Variants in CECR2 observed in about 807,000 individuals in gnomAD.
CECR2 encodes CECR2 histone acetyl-lysine reader.
In CECR2, 30 loss-of-function variants were observed where a neutral mutation model predicts 154.5. That is an observed-to-expected ratio of 0.19 (90% CI 0.15 to 0.26). The LOEUF is 0.26. CECR2 is among the 10% of genes least tolerant of loss of function. CECR2 has a pLI of 1.00. For synonymous variants in CECR2, 725 were observed against 683.7 expected, an observed-to-expected ratio of 1.06 and a Z score of -0.94; for missense variants, 1,743 against 1,829.3, an observed-to-expected ratio of 0.95 and a Z score of 0.86.
intron 8 of CECR2, among the ~76,000 whole-genome samples, chr22:17,520,105 A>G (rs2056131171): frequency 6.6e-6 from 1 of 152,156 alleles, no homozygotes; most frequent in African/African-American, 2.4e-5. Flanking sequence ...TCAAGTCTTG[A>G]GTGACTTAAC....
chr22:17,447,481 T>G (rs973092107), intron 1 of CECR2, among the ~76,000 whole-genome samples: 2 of 151,916 alleles, frequency 1.3e-5, no homozygotes, highest in African/African-American at 2.4e-5. Context: ...AGACACAGAG[T>G]GCTGATTGGT....
chr22:17,431,609 A>G (rs553064412), intron 1 of CECR2, among the ~76,000 whole-genome samples: 115 of 152,344 alleles, frequency 7.5e-4, no homozygotes, highest in African/African-American at 2.5e-3. Flanking sequence ...ACCTGAATTC[A>G]ATAAATTAAA....
rs11387639 is a variant in CECR2 at position 17,505,534 on chromosome 22, CTTTTTTT to C, written c.870+535_870+541del. Among the ~76,000 whole-genome samples the C allele has an allele frequency of 6.2e-3, 617 of 98,860 alleles. 5 individuals are homozygous for C. The highest frequency in any genetic ancestry group is 0.023 in the African/African-American group (549 of 24,064). 64.9% of individuals were successfully genotyped at this position (98,860 alleles called of 152,430 possible). ...TCAAACATCCTTCATCCTCTTTTTC[CTTTTTTT>C]TTTTTTTTTTTTTTTTGAGTCTCTC... On this transcript the variant is annotated intron_variant, in intron 7 of 18. Coordinates refer to ENST00000262608, the MANE Select transcript of CECR2 (RefSeq NM_001290047.2).
chr22:17,549,783 G>GTTTTTTTTTTTTTTTTTTTTTTTTTTT lies in CECR2; in HGVS notation c.4277+219_4277+220insTTTTTTTTTTTTTTTTTTTTTTTTTTT, dbSNP rs1491166897. Among the ~76,000 whole-genome samples the GTTTTTTTTTTTTTTTTTTTTTTTTTTT allele has an allele frequency of 2.3e-5, 2 of 88,856 alleles. 1 individual carries two copies. Among genetic ancestry groups the GTTTTTTTTTTTTTTTTTTTTTTTTTTT allele is most frequent in the African/African-American group, 8.7e-5 (2 of 22,976 alleles). The allele number at this position is 88,856 out of a possible 152,430, so 58.3% of individuals were successfully genotyped here. ...TGCCACCACACCCAGCTAACTTTTT[G>GTTTTTTTTTTTTTTTTTTTTTTTTTTT]GTTTTTTTTTTTTTTTTTTTTTGGT... On this transcript the variant is annotated intron_variant, in intron 17 of 18. Transcript: ENST00000262608.
intron 1 of CECR2, among the ~76,000 whole-genome samples, chr22:17,363,048 C>CTTTTTTTTTTTTTTTTTTTTTT (rs60742428): frequency 6.9e-6 from 1 of 144,740 alleles, no homozygotes. Context: ...TTTCCTTCTT[C>CTTTTTTTTTTTTTTTTTTTTTT]TTTTTTTTTT....
intron 1 of CECR2, among the ~76,000 whole-genome samples, chr22:17,447,922 G>A (rs1053432414): frequency 9.2e-5 from 14 of 152,034 alleles, no homozygotes; most frequent in East Asian, 1.9e-4. Flanking sequence ...TATGTGGCTC[G>A]TGGCTGCTGT....
chr22:17,537,356 G>A (rs1395604375), intron 10 of CECR2, 124 bp downstream of exon 10: 2 of 1,153,692 alleles, frequency 1.7e-6, no homozygotes, highest in East Asian at 2.4e-5. Context: ...ATGTGTGAGT[G>A]AACAGGGCGG....
chr22:17,508,273 A>G (rs1478384371), intron 7 of CECR2, among the ~76,000 whole-genome samples: 1 of 151,990 alleles, frequency 6.6e-6, no homozygotes, highest in Admixed American at 6.6e-5. Context: ...GGTCTACAGC[A>G]GTGTACTGTA....
intron 1 of CECR2, among the ~76,000 whole-genome samples, chr22:17,383,598 ACTC>A (rs150830080): frequency 0.019 from 2,873 of 148,318 alleles, 29 homozygotes; most frequent in Middle Eastern, 0.046. Flanking sequence ...AAAAGAAAAA[ACTC>A]CTCCATTCCA....
intron 1 of CECR2, among the ~76,000 whole-genome samples, chr22:17,381,841 G>A (rs933046232): frequency 2.0e-5 from 3 of 152,082 alleles, no homozygotes; most frequent in Non-Finnish European, 4.4e-5. Context: ...TGGGGGTCAT[G>A]CTGAGTAAGT....
At position 17,557,126 on chromosome 22, in the gene CECR2, A is replaced by G. The variant is rs1327132777; in HGVS notation, c.*4286A>G. 1.4e-5 allele frequency: 2 copies of G among 144,442 alleles called. No individual in the cohort carries two copies. The highest frequency in any genetic ancestry group is 3.0e-5 in the Non-Finnish European group (2 of 66,030). 8.9% of individuals were successfully genotyped at this position (144,442 alleles called of 1,614,324 possible). On this transcript the variant is annotated 3_prime_UTR_variant, in exon 19 of 19. Transcript: ENST00000262608. The stretch of plus-strand genomic sequence containing the variant: ...GTAGTGTTTGGGTGAATGTTACTGC[A>G]TCCCGTTTTTTTTCTTTTCTTTTTT...
chr22:17,378,039 A>G lies in CECR2; in HGVS notation c.126+8130A>G, dbSNP rs570179838. On this transcript the variant is annotated intron_variant, in intron 1 of 18. Coordinates refer to ENST00000262608, the MANE Select transcript of CECR2 (RefSeq NM_001290047.2). ...TGCTCTGTTGCCCAGGCTGGAGTGC[A>G]GTGGCGCTATCTTGGCTCACTGCAA... 1.9e-3 allele frequency among the ~76,000 whole-genome samples: 284 copies of G among 151,562 alleles called. 1 individual carries two copies. The highest frequency in any genetic ancestry group is 3.0e-3 in the Non-Finnish European group (202 of 67,888).
rs954070317 is a variant in CECR2 at position 17,445,576 on chromosome 22, A to ATTG, written c.127-32010_127-32009insGTT. Among the ~76,000 whole-genome samples, 7 of 145,136 alleles carry ATTG rather than the reference A, an allele frequency of 4.8e-5. No individual in the cohort carries two copies. In the East Asian group the frequency reaches 7.9e-4, roughly 16 times the overall value. ...TATTATTATTATTATTATTATTATTATTATTATTATTATTATTTGAGGCAG... is the reference window on the plus strand; with the variant it reads ...TATTATTATTATTATTATTATTATTATTGTTATTATTATTATTATTTGAGGCAG... On this transcript the variant is annotated intron_variant, in intron 1 of 18. Transcript: ENST00000262608.
intron 16 of CECR2, among the ~76,000 whole-genome samples, chr22:17,546,380 G>C (rs934943887): frequency 3.3e-5 from 5 of 151,692 alleles, no homozygotes; most frequent in Non-Finnish European, 7.4e-5. Flanking sequence ...CAGCTACTCC[G>C]GAGGCTGAGG....
chr22:17,401,827 C>T (rs2053896780), intron 1 of CECR2, among the ~76,000 whole-genome samples: 1 of 105,826 alleles, frequency 9.4e-6, no homozygotes, highest in Non-Finnish European at 2.0e-5. Context: ...GAATATTTAA[C>T]ACCCCCCCCC....
At chr22:17,439,771 C>T (rs2054556769) in intron 1 of CECR2, among the ~76,000 whole-genome samples, 1 of 152,066 alleles carries the variant, frequency 6.6e-6, no homozygotes, top group East Asian at 1.9e-4. Context: ...AAACAACTGC[C>T]GTGCAATGGA....
intron 1 of CECR2, among the ~76,000 whole-genome samples, chr22:17,388,443 G>A (rs764900515): frequency 4.0e-4 from 61 of 152,266 alleles, no homozygotes; most frequent in Middle Eastern, 3.4e-3. Context: ...ACCCAAGGCC[G>A]CATGCCCAGC....
intron 8 of CECR2, among the ~76,000 whole-genome samples, chr22:17,523,011 A>G (rs695699): frequency 0.2 from 21,634 of 110,262 alleles, 2,016 homozygotes; most frequent in East Asian, 0.48. Context: ...TCTCGGGGGG[A>G]AAAAAAAAAG....
At chr22:17,513,460 C>T (rs2055996717) in intron 8 of CECR2, among the ~76,000 whole-genome samples, 1 of 152,188 alleles carries the variant, frequency 6.6e-6, no homozygotes, top group Non-Finnish European at 1.5e-5. Context: ...TTGTCAGTAA[C>T]TAAACACATT....
Sources: gnomAD v4.1 joint callset for allele counts (sites outside exome capture counted in the v4.1 genomes callset) on GRCh38, gnomAD v4.1.1 for gene constraint, MANE v1.5 for transcripts, NCBI Gene and HGNC (gene_info 2026-07-23, HGNC 2026-07-21) for gene names.